The following RASA1 variants were observed in gnomAD, a reference collection of about 807,000 sequenced individuals.
The protein encoded by RASA1 is RAS p21 protein activator 1, also known as ras GTPase-activating protein 1.
Under a neutral mutation model 132.2 loss-of-function variants are expected in RASA1, and 25 were observed. The ratio of observed to expected loss-of-function variants is 0.19; its 90% CI spans 0.14 to 0.26. The LOEUF (loss-of-function observed/expected upper bound fraction) is 0.26. Ranked by LOEUF, RASA1 falls within the 10% of genes least tolerant of loss-of-function variation. RASA1 has a pLI of 1.00. For missense variants in RASA1, 964 were observed against 1,299.2 expected (o/e 0.74, Z 3.97); for synonymous variants, 477 against 449.9 (o/e 1.06, Z -0.76).
chr5:87,386,746 G>GT, intron 22 of RASA1, 80 bp from the exon 23 acceptor site: 1 of 1,263,440 alleles, frequency 7.9e-7, no homozygotes, highest in South Asian at 1.2e-5. Context: ...GCTGTTAACT[G>GT]TAATTACTTT....
intron 4 of RASA1, among the ~76,000 whole-genome samples, chr5:87,337,280 G>A (rs895337315): frequency 4.6e-5 from 7 of 152,028 alleles, no homozygotes; most frequent in Middle Eastern, 3.4e-3. Context: ...TTCAGTAAAA[G>A]GAAACTAAGT....
intron 1 of RASA1, among the ~76,000 whole-genome samples, chr5:87,326,997 T>G (rs1757277947): frequency 6.6e-6 from 1 of 152,200 alleles, no homozygotes; most frequent in Non-Finnish European, 1.5e-5. Context: ...TCATAAAATT[T>G]GTTAGTTTTT....
At chr5:87,341,997 C>G (rs1580308877) in intron 6 of RASA1, among the ~76,000 whole-genome samples, 1 of 151,968 alleles carries the variant, frequency 6.6e-6, no homozygotes, top group Non-Finnish European at 1.5e-5. Flanking sequence ...AATGCTTCAC[C>G]CTTCTGTAAG....
chr5:87,332,382 G>A (rs1191008932), intron 2 of RASA1, 125 bp from the exon 3 acceptor site: 3 of 971,506 alleles, frequency 3.1e-6, no homozygotes, highest in Non-Finnish European at 4.6e-6. Flanking sequence ...TGGTATTTTA[G>A]TATAAGGATA....
chr5:87,345,708 T>G (rs1333988933), intron 6 of RASA1, among the ~76,000 whole-genome samples: 1 of 152,196 alleles, frequency 6.6e-6, no homozygotes, highest in Non-Finnish European at 1.5e-5. Flanking sequence ...ATGGATCATT[T>G]AAAACAATGT....
intron 14 of RASA1, 38 bp from the exon 15 acceptor site, chr5:87,374,802 A>C (rs751085665): frequency 1.9e-6 from 3 of 1,605,988 alleles, no homozygotes; most frequent in South Asian, 1.1e-5. Context: ...TTTGATGCCA[A>C]AACATTTTGT....
chr5:87,314,413 GA>G (rs1427237959), intron 1 of RASA1, among the ~76,000 whole-genome samples: 6 of 152,254 alleles, frequency 3.9e-5, no homozygotes, highest in South Asian at 4.1e-4. Context: ...CAGTAAAACT[GA>G]AAAATCTGTT....
chr5:87,269,712 C>T (rs766485754), intron 1 of RASA1, among the ~76,000 whole-genome samples: 1 of 152,150 alleles, frequency 6.6e-6, no homozygotes, highest in African/African-American at 2.4e-5. Flanking sequence ...TTCCCTTAAA[C>T]ATTTTTTGTT....
chr5:87,316,846 TA>T (rs1450024565), intron 1 of RASA1, among the ~76,000 whole-genome samples: 2 of 152,160 alleles, frequency 1.3e-5, no homozygotes, highest in South Asian at 2.1e-4. Context: ...AATCTGAGTT[TA>T]TGGGAAAAGT....
At chr5:87,353,743 G>A (rs767937925) in intron 9 of RASA1, among the ~76,000 whole-genome samples, 2 of 152,024 alleles carry the variant, frequency 1.3e-5, no homozygotes, top group Non-Finnish European at 2.9e-5. Context: ...GATGGGTGGT[G>A]GCAATGTCTT....
At position 87,391,001 on chromosome 5, in the gene RASA1, G is replaced by A. The variant is rs185668226; in HGVS notation, c.*118G>A. The A allele has an allele frequency of 4.6e-5, 47 of 1,024,848 alleles. No individual in the cohort carries two copies. The African/African-American group carries it at 6.2e-4, about 14-fold the overall frequency. The allele number at this position is 1,024,848 out of a possible 1,614,324, so 63.5% of individuals were successfully genotyped here. ...GCACACTTTTCCACATTCCAGTGATGTGTGAGCTATGCAAACAAAATCCAA... is the reference window on the plus strand; with the variant it reads ...GCACACTTTTCCACATTCCAGTGATATGTGAGCTATGCAAACAAAATCCAA... On this transcript the variant is annotated 3_prime_UTR_variant, in exon 25 of 25. Coordinates refer to ENST00000274376, the MANE Select transcript of RASA1 (RefSeq NM_002890.3).
intron 1 of RASA1, 56 bp from the exon 2 acceptor site, chr5:87,331,292 A>G: frequency 1.3e-6 from 2 of 1,514,736 alleles, no homozygotes; most frequent in Middle Eastern, 1.7e-4. Context: ...TCAAGTGTCC[A>G]TAGAAATTCT....
In RASA1 at chr5:87,380,525, T is replaced by C. The variant is rs1241763444; in HGVS notation, c.2620T>C (p.Tyr874His). Residue 874 changes from tyrosine to histidine, a missense_variant, in exon 20 of 25, where the codon TAT (tyrosine) becomes CAT (histidine). Around this residue, in one of 6 missense-constraint regions of RASA1, gnomAD observed 346 missense variants for 520.1 expected, o/e 0.67. Transcript: ENST00000274376. ...EILPPTLRYI[Y>H]GCLQKSVQHK... ...TTTTGGCAGGACATTGAGATATATTTATGGGTGTTTACAGAAATCTGTTCA... is the reference window on the plus strand; with the variant it reads ...TTTTGGCAGGACATTGAGATATATTCATGGGTGTTTACAGAAATCTGTTCA... 1 of 1,612,800 alleles carries C rather than the reference T, an allele frequency of 6.2e-7. No homozygotes were observed. Among genetic ancestry groups the C allele is most frequent in the Non-Finnish European group, 8.5e-7 (1 of 1,179,028 alleles).
intron 1 of RASA1, among the ~76,000 whole-genome samples, chr5:87,287,155 T>C (rs1347321894): frequency 7.1e-6 from 1 of 140,910 alleles, no homozygotes; most frequent in East Asian, 2.2e-4. Context: ...ACCGTATATA[T>C]ACACTGTATA....
In RASA1 at chr5:87,268,254, G is replaced by T. The variant is rs149279711; in HGVS notation, c.-198G>T. On this transcript the variant is annotated 5_prime_UTR_variant, in exon 1 of 25. Transcript: ENST00000274376. ...GGGTTTTTTGCCCACTTGGCTTCCC[G>T]TAACCCAGGCAGCTGGGGAGCCTGG... 8.2e-3 allele frequency: 6,543 copies of T among 796,836 alleles called. 33 individuals are homozygous for T. The highest frequency in any genetic ancestry group is 0.011 in the Non-Finnish European group (5,690 of 526,676). 49.4% of individuals were successfully genotyped at this position (796,836 alleles called of 1,614,324 possible).
chr5:87,272,540 T>G, intron 1 of RASA1, among the ~76,000 whole-genome samples: 1 of 142,716 alleles, frequency 7.0e-6, no homozygotes, highest in East Asian at 2.0e-4. Context: ...CATATGATTG[T>G]TTTTTTTTTT....
intron 11 of RASA1, among the ~76,000 whole-genome samples, chr5:87,364,227 G>A (rs1047080156): frequency 7.9e-5 from 12 of 152,028 alleles, no homozygotes; most frequent in Non-Finnish European, 1.3e-4. Context: ...TTTCTGTGAG[G>A]CAAATCTACG....
chr5:87,383,746 C>T lies in RASA1; in HGVS notation c.2724C>T (p.Ala908=), dbSNP rs576034504. Reference sequence around the variant, plus strand: ...TTTTTCTTCGACTCATCTGTCCTGCCATCCTGAATCCACGGATGTTCAATA... The same window carrying T: ...TTTTTCTTCGACTCATCTGTCCTGCTATCCTGAATCCACGGATGTTCAATA... The part of the protein sequence containing the change: ...GFVFLRLICP[A]ILNPRMFNII... Residue 908 remains alanine (A), a synonymous_variant, in exon 21 of 25, where the codon GCC becomes GCT. Transcript: ENST00000274376. 1 of 1,611,428 alleles carries T rather than the reference C, an allele frequency of 6.2e-7. No homozygotes were observed. The highest frequency in any genetic ancestry group is 2.2e-5 in the East Asian group (1 of 44,744).
At chr5:87,293,342 G>T (rs1267331817) in intron 1 of RASA1, among the ~76,000 whole-genome samples, 2 of 151,740 alleles carry the variant, frequency 1.3e-5, no homozygotes, top group Non-Finnish European at 2.9e-5. Flanking sequence ...CCGTCAAATG[G>T]ATTTTCTGCA....
Sources: allele counts gnomAD v4.1 joint callset (sites outside exome capture counted in the v4.1 genomes callset), GRCh38; gene constraint gnomAD v4.1.1; regional missense constraint gnomAD v4.1.1; transcripts MANE v1.5; gene names NCBI Gene and HGNC (gene_info 2026-07-23, HGNC 2026-07-21).